Variants in SLC1A5 observed in about 807,000 individuals in gnomAD.
SLC1A5 encodes neutral amino acid transporter B(0).
In SLC1A5, 25 loss-of-function variants were observed where a neutral mutation model predicts 34.9. That is an observed-to-expected ratio of 0.72 (90% CI 0.52 to 1.00). SLC1A5 has a LOEUF of 1.00. SLC1A5 is among the 50% of genes least tolerant of loss of function. SLC1A5 has a pLI of 0.00. For synonymous variants in SLC1A5, 351 were observed against 341.2 expected (o/e 1.03, Z -0.32); for missense variants, 637 against 740.0 (o/e 0.86, Z 1.61).
chr19:46,786,049 G>A (rs1244897134), intron 1 of SLC1A5, among the ~76,000 whole-genome samples: 2 of 134,660 alleles, frequency 1.5e-5, no homozygotes, highest in African/African-American at 2.9e-5. Context: ...AACAGAGACT[G>A]TCTCAAAAAA....
chr19:46,784,186 G>T, intron 2 of SLC1A5, 42 bp from the exon 3 acceptor site: 1 of 1,465,536 alleles, frequency 6.8e-7, no homozygotes, highest in Non-Finnish European at 9.5e-7. Context: ...ATCGTTACCA[G>T]GGCCTCCCAA....
In SLC1A5 at chr19:46,778,677, G is replaced by C. The variant is rs766726593; in HGVS notation, c.1056C>G (p.Ser352=). The C allele has an allele frequency of 2.2e-5, 34 of 1,540,548 alleles. No individual in the cohort carries two copies. The highest frequency in any genetic ancestry group is 1.7e-4 in the Middle Eastern group (1 of 5,778). Residue 352 remains serine, a splice_region_variant and synonymous_variant, in exon 5 of 8, where the codon TCC becomes TCG. Coordinates refer to ENST00000542575, the MANE Select transcript of SLC1A5 (RefSeq NM_005628.3). ...TPLATAFGTS[S]SSATLPLMMK... Reference sequence around the variant, plus strand: ...CCTAGCCCACCCCAAGGCCGTACCTGGAAGAGGTCCCAAAGGCAGTGGCCA... The same window carrying C: ...CCTAGCCCACCCCAAGGCCGTACCTCGAAGAGGTCCCAAAGGCAGTGGCCA...
Position 46,778,732 on chromosome 19 carries a change from T to C in SLC1A5, c.1001A>G (p.Tyr334Cys). The change falls in exon 5 of 8, where the codon TAC becomes TGC. Residue 334 changes from tyrosine (Y) to cysteine (C), a missense_variant. Coordinates refer to ENST00000542575, the MANE Select transcript of SLC1A5 (RefSeq NM_005628.3). The part of the protein sequence containing the change: ...IYFLFTRKNP[Y>C]RFLWGIVTPL... ...CGTCACGATGCCCCACAGGAAGCGGTAGGGGTTTTTGCGGGTGAAGAGGAA... is the reference window on the plus strand; with the variant it reads ...CGTCACGATGCCCCACAGGAAGCGGCAGGGGTTTTTGCGGGTGAAGAGGAA... The C allele has an allele frequency of 1.4e-6, 2 of 1,387,754 alleles. No homozygotes were observed. The highest frequency in any genetic ancestry group is 1.9e-6 in the Non-Finnish European group (2 of 1,038,224). 86.0% of individuals were successfully genotyped at this position (1,387,754 alleles called of 1,614,324 possible).
chr19:46,785,722 T>C (rs1284770884), intron 1 of SLC1A5, among the ~76,000 whole-genome samples: 2 of 152,200 alleles, frequency 1.3e-5, no homozygotes, highest in East Asian at 1.9e-4. Context: ...GGTTCAGTAG[T>C]ATGGGACAGT....
Position 46,787,150 on chromosome 19 carries a change from C to A in SLC1A5, c.566+250G>T. The A allele has an allele frequency of 8.5e-7, 1 of 1,170,334 alleles. No individual in the cohort carries two copies. Among genetic ancestry groups the A allele is most frequent in the Non-Finnish European group, 1.1e-6 (1 of 888,626 alleles). 72.5% of individuals were successfully genotyped at this position (1,170,334 alleles called of 1,614,324 possible). ...CTAGGCAGACCCTCCTATGTCTCCC[C>A]AAATCACTTTCTTCTCCCTCTATAA... On this transcript the variant is annotated intron_variant, in intron 1 of 7. Coordinates refer to ENST00000542575, the MANE Select transcript of SLC1A5 (RefSeq NM_005628.3). This position sits in a 1 kb window ranked among gnomAD's most constrained non-coding sequence, Gnocchi z 5.2.
chr19:46,782,349 C>CCCCCCCCCCCCCCCCACCA, intron 4 of SLC1A5, 34 bp downstream of exon 4: 1 of 592,810 alleles, frequency 1.7e-6, no homozygotes, highest in Non-Finnish European at 3.0e-6. Context: ...CCCTCCAACC[C>CCCCCCCCCCCCCCCCACCA]CACCCACCCC....
At chr19:46,783,262 C>G (rs903679909) in intron 3 of SLC1A5, among the ~76,000 whole-genome samples, 18 of 151,372 alleles carry the variant, frequency 1.2e-4, no homozygotes, top group Non-Finnish European at 2.2e-4. Context: ...TGGGGAGTTC[C>G]AGACCACACT....
rs115689910 is a variant in SLC1A5 at position 46,777,511 on chromosome 19, C to T, written c.1059-106G>A. 6,525 of 1,089,754 alleles carry T rather than the reference C, an allele frequency of 6.0e-3. 125 individuals carry two copies. The highest frequency in any genetic ancestry group is 0.057 in the African/African-American group (3,580 of 62,498). 67.5% of individuals were successfully genotyped at this position (1,089,754 alleles called of 1,614,324 possible). On this transcript the variant is annotated intron_variant, in intron 5 of 7. Transcript: ENST00000542575. The stretch of plus-strand genomic sequence containing the variant: ...CCTCGCCTACCCCACCCCAACCAGC[C>T]AAAGCCCCACCCACCCCACCCAGTG...
At position 46,778,708 on chromosome 19, in the gene SLC1A5, G is replaced by A. The variant is rs778634582; in HGVS notation, c.1025C>T (p.Thr342Met). 2.3e-5 allele frequency: 37 copies of A among 1,612,384 alleles called. No homozygotes were observed. The highest frequency in any genetic ancestry group is 3.3e-4 in the Middle Eastern group (2 of 6,046). The change falls in exon 5 of 8, where the codon ACG becomes ATG. Residue 342 changes from threonine to methionine, a missense_variant. Physicochemically the swap from Thr to Met is moderately conservative, Grantham distance 81. Transcript: ENST00000542575. ...NPYRFLWGIV[T>M]PLATAFGTSS... ...GGTCCCAAAGGCAGTGGCCAGCGGCGTCACGATGCCCCACAGGAAGCGGTA... is the reference window on the plus strand; with the variant it reads ...GGTCCCAAAGGCAGTGGCCAGCGGCATCACGATGCCCCACAGGAAGCGGTA...
intron 2 of SLC1A5, 96 bp from the exon 3 acceptor site, chr19:46,784,240 C>G (rs2055169971): frequency 3.1e-6 from 3 of 968,964 alleles, no homozygotes; most frequent in Non-Finnish European, 4.9e-6. Flanking sequence ...CCTTCCACAT[C>G]CTTTCAATGT....
chr19:46,784,871 A>T, intron 1 of SLC1A5: 1 of 1,369,118 alleles, frequency 7.3e-7, no homozygotes, highest in South Asian at 1.9e-5. Context: ...CCTCAGCTCC[A>T]CCCCATGCAG....
intron 7 of SLC1A5, chr19:46,776,654 G>A (rs988227090): frequency 3.7e-6 from 1 of 270,552 alleles, no homozygotes; most frequent in African/African-American, 2.2e-5. Context: ...TTTTACAGAT[G>A]GAGAAACTGA....
chr19:46,787,786 C>G lies in SLC1A5; in HGVS notation c.180G>C (p.Val60=). 6.4e-7 allele frequency: 1 copy of G among 1,550,682 alleles called. No individual in the cohort carries two copies. Among genetic ancestry groups the G allele is most frequent in the Non-Finnish European group, 8.7e-7 (1 of 1,149,568 alleles). Reference sequence around the variant, plus strand: ...CCAGCGCCACGCCGGCCACCACGGCCACCACTGTCAGCAGCACAAGCAGGT... The same window carrying G: ...CCAGCGCCACGCCGGCCACCACGGCGACCACTGTCAGCAGCACAAGCAGGT... The part of the protein sequence containing the change: ...RANLLVLLTV[V]AVVAGVALGL... Residue 60 remains valine (V), a synonymous_variant, in exon 1 of 8, where the codon GTG becomes GTC. Coordinates refer to ENST00000542575, the MANE Select transcript of SLC1A5 (RefSeq NM_005628.3). This position sits in a 1 kb window ranked among gnomAD's most constrained non-coding sequence, Gnocchi z 5.2.
intron 3 of SLC1A5, 62 bp downstream of exon 3, chr19:46,784,035 A>C: frequency 7.2e-7 from 1 of 1,384,606 alleles, no homozygotes; most frequent in Non-Finnish European, 1.0e-6. Flanking sequence ...GCAGAAATAA[A>C]ACCAAAAAAT....
chr19:46,777,432 G>C (rs3027960), intron 5 of SLC1A5, 27 bp from the exon 6 acceptor site: 107,264 of 1,579,182 alleles, frequency 0.068, 4,125 homozygotes, highest in African/African-American at 0.14. Context: ...AGCTGAGTTA[G>C]GTTAACCTGC....
intron 4 of SLC1A5, among the ~76,000 whole-genome samples, chr19:46,780,808 T>C (rs573951252): frequency 1.3e-5 from 2 of 151,970 alleles, no homozygotes; most frequent in Non-Finnish European, 2.9e-5. Flanking sequence ...CTGTCTCTAC[T>C]AAAAATACAA....
chr19:46,783,959 G>A (rs932270255), intron 3 of SLC1A5, 138 bp downstream of exon 3: 2 of 688,766 alleles, frequency 2.9e-6, no homozygotes, highest in Non-Finnish European at 5.2e-6. Context: ...CTATCCAGAA[G>A]GCAGAAAAGA....
chr19:46,785,252 G>A (rs963462542), intron 1 of SLC1A5, among the ~76,000 whole-genome samples: 17 of 152,168 alleles, frequency 1.1e-4, no homozygotes, highest in African/African-American at 3.9e-4. Flanking sequence ...ATGGTGGCAT[G>A]TGCCTGTAGT....
chr19:46,787,180 C>A lies in SLC1A5; in HGVS notation c.566+220G>T. 1 of 1,340,926 alleles carries A rather than the reference C, an allele frequency of 7.5e-7. No individual in the cohort carries two copies. The highest frequency in any genetic ancestry group is 9.7e-7 in the Non-Finnish European group (1 of 1,028,720). The allele number at this position is 1,340,926 out of a possible 1,614,324, so 83.1% of individuals were successfully genotyped here. On this transcript the variant is annotated intron_variant, in intron 1 of 7. Coordinates refer to ENST00000542575, the MANE Select transcript of SLC1A5 (RefSeq NM_005628.3). The surrounding 1 kb of genome is among the most constrained non-coding windows in gnomAD (Gnocchi z 5.2). Reference sequence around the variant, plus strand: ...CACTTTCTTCTCCCTCTATAAGACCCCACTTATGTACCCAGGCCCCCAGAT... The same window carrying A: ...CACTTTCTTCTCCCTCTATAAGACCACACTTATGTACCCAGGCCCCCAGAT...
Sources: gnomAD v4.1 joint callset for allele counts (sites outside exome capture counted in the v4.1 genomes callset) on GRCh38, gnomAD v4.1.1 for gene constraint, Gnocchi (gnomAD v3.1) non-coding constraint, MANE v1.5 for transcripts, NCBI Gene and HGNC (gene_info 2026-07-23, HGNC 2026-07-21) for gene names.